Variants in GALNT14 observed in about 807,000 individuals in gnomAD.
The protein encoded by GALNT14 is polypeptide N-acetylgalactosaminyltransferase 14.
Under a neutral mutation model 77.5 loss-of-function variants are expected in GALNT14, and 60 were observed. That is an observed-to-expected ratio of 0.77 (90% CI 0.63 to 0.96). The LOEUF (loss-of-function observed/expected upper bound fraction) is 0.96, where lower values mean the gene tolerates loss of function less well. Ranked by LOEUF, GALNT14 falls within the 40% of genes least tolerant of loss-of-function variation. The probability of loss-of-function intolerance (pLI) is 0.00; values close to 1 mark genes in which losing one functional copy is unlikely to be tolerated. For synonymous variants in GALNT14, 280 were observed against 281.7 expected, an observed-to-expected ratio of 0.99 and a Z score of 0.06; for missense variants, 710 against 731.0, an observed-to-expected ratio of 0.97 and a Z score of 0.33.
At chr2:31,012,099 C>A (rs1308803570) in intron 1 of GALNT14, among the ~76,000 whole-genome samples, 1 of 152,222 alleles carries the variant, frequency 6.6e-6, no homozygotes, top group African/African-American at 2.4e-5. Context: ...CTTTGCAGAG[C>A]CGACCAACAG....
In GALNT14 at chr2:31,038,086, T is replaced by TATATATATATATATATATA. The variant is rs1558514656; in HGVS notation, c.130-45080_130-45079insTATATATATATATATATAT. Among the ~76,000 whole-genome samples the TATATATATATATATATATA allele has an allele frequency of 2.5e-4, 9 of 35,880 alleles. 1 individual carries two copies. Among genetic ancestry groups the TATATATATATATATATATA allele is most frequent in the Non-Finnish European group, 3.7e-4 (8 of 21,670 alleles). 23.5% of individuals were successfully genotyped at this position (35,880 alleles called of 152,430 possible). On this transcript the variant is annotated intron_variant, in intron 1 of 14. Coordinates refer to ENST00000349752, the MANE Select transcript of GALNT14 (RefSeq NM_024572.4). Reference sequence around the variant, plus strand: ...TTGCCATATATATATATATATATATTTTTTTTTTTTTTTTTTTTTTTTTTT... The same window carrying TATATATATATATATATATA: ...TTGCCATATATATATATATATATATTATATATATATATATATATATTTTTTTTTTTTTTTTTTTTTTTTT...
chr2:31,046,783 G>C (rs569834789), intron 1 of GALNT14, among the ~76,000 whole-genome samples: 2 of 152,120 alleles, frequency 1.3e-5, no homozygotes, highest in South Asian at 4.2e-4. Flanking sequence ...TCGTTTTCCA[G>C]GTCTCCCCAG....
In GALNT14 at chr2:31,064,097, G is replaced by A. The variant is rs186876722; in HGVS notation, c.130-71090C>T. Reference sequence around the variant, plus strand: ...ATGTTTGGCTCCAAGAGCATGCAGAGTAGACATCACATCTAGACTGGTGGC... The same window carrying A: ...ATGTTTGGCTCCAAGAGCATGCAGAATAGACATCACATCTAGACTGGTGGC... On this transcript the variant is annotated intron_variant, in intron 1 of 14. Coordinates refer to ENST00000349752, the MANE Select transcript of GALNT14 (RefSeq NM_024572.4). Among the ~76,000 whole-genome samples, 204 of 151,848 alleles carry A rather than the reference G, an allele frequency of 1.3e-3. 1 individual carries two copies. Among genetic ancestry groups the A allele is most frequent in the African/African-American group, 4.8e-3 (200 of 41,302 alleles).
At chr2:31,127,946 A>T (rs1678776840) in intron 1 of GALNT14, among the ~76,000 whole-genome samples, 1 of 152,138 alleles carries the variant, frequency 6.6e-6, no homozygotes, top group Admixed American at 6.5e-5. Flanking sequence ...GTCCTTTAAC[A>T]TTGCCATGCT....
At chr2:30,974,367 A>T (rs1041168594) in intron 2 of GALNT14, among the ~76,000 whole-genome samples, 2 of 152,264 alleles carry the variant, frequency 1.3e-5, no homozygotes, top group Admixed American at 6.5e-5. Context: ...TGCATGCTGC[A>T]GCTAGAATGA....
At chr2:30,997,041 TG>T (rs1670080304) in intron 1 of GALNT14, among the ~76,000 whole-genome samples, 13 of 152,252 alleles carry the variant, frequency 8.5e-5, no homozygotes, top group Admixed American at 8.5e-4. Context: ...TATATCATCA[TG>T]CAATCCTCAC....
intron 3 of GALNT14, among the ~76,000 whole-genome samples, chr2:30,961,902 A>G (rs1222665032): frequency 2.0e-5 from 3 of 152,090 alleles, no homozygotes; most frequent in Non-Finnish European, 4.4e-5. Context: ...CATGTTAGCC[A>G]GGCTGGTCTT....
the GALNT14 span, among the ~76,000 whole-genome samples, chr2:30,900,332 G>A: frequency 6.6e-6 from 1 of 152,094 alleles, no homozygotes; most frequent in Non-Finnish European, 1.5e-5. Context: ...ATTAAACTCT[G>A]TCATTATGAA....
intron 7 of GALNT14, 89 bp downstream of exon 7, chr2:30,945,694 A>G: frequency 7.5e-6 from 8 of 1,073,022 alleles, no homozygotes; most frequent in Non-Finnish European, 1.1e-5. Flanking sequence ...CAAGCAACTA[A>G]GAGCTTTTCC....
At chr2:31,137,790 G>A (rs1364864896) in intron 1 of GALNT14, among the ~76,000 whole-genome samples, 168 bp downstream of exon 1, 1 of 152,160 alleles carries the variant, frequency 6.6e-6, no homozygotes, top group Non-Finnish European at 1.5e-5. Context: ...GCCCCCGAGC[G>A]TTTTAAAATC....
chr2:30,933,147 G>A (rs1665840895), intron 9 of GALNT14, among the ~76,000 whole-genome samples: 1 of 150,420 alleles, frequency 6.6e-6, no homozygotes, highest in Admixed American at 6.6e-5. Context: ...CCAGTGCATG[G>A]TGACATTCAA....
chr2:31,057,372 G>A (rs1042072599), intron 1 of GALNT14, among the ~76,000 whole-genome samples: 3 of 79,052 alleles, frequency 3.8e-5, no homozygotes, highest in South Asian at 4.6e-4. Context: ...GTGTGTGTGT[G>A]TGTATATATA....
intron 1 of GALNT14, among the ~76,000 whole-genome samples, chr2:31,019,196 A>G (rs931345257): frequency 6.6e-6 from 1 of 151,920 alleles, no homozygotes; most frequent in East Asian, 1.9e-4. Flanking sequence ...AGAGTAGGCA[A>G]CTCTCAGAGA....
chr2:30,999,139 A>G (rs1483654459), intron 1 of GALNT14, among the ~76,000 whole-genome samples: 4 of 152,230 alleles, frequency 2.6e-5, no homozygotes, highest in African/African-American at 9.6e-5. Flanking sequence ...GTAAATTCTT[A>G]TTTAAAGAGG....
rs779879199 is a variant in GALNT14 at position 30,955,945 on chromosome 2, T to C, written c.499A>G (p.Lys167Glu). The change falls in exon 5 of 15, where the codon AAG (lysine) becomes GAG (glutamate). Residue 167 changes from lysine (K) to glutamate (E), a missense_variant. Lys to Glu is a moderately conservative substitution (Grantham distance 56). Transcript: ENST00000349752. ...DDCKQLIKLPKVKCLRNNERQ... is the reference protein window; with the variant it reads ...DDCKQLIKLPEVKCLRNNERQ... Reference sequence around the variant, plus strand: ...TCATTATTGCGCAAGCATTTCACCTTGGGCAACTTGATGAGCTGTTTACAG... The same window carrying C: ...TCATTATTGCGCAAGCATTTCACCTCGGGCAACTTGATGAGCTGTTTACAG... 6.2e-7 allele frequency: 1 copy of C among 1,614,176 alleles called. No individual in the cohort carries two copies. Among genetic ancestry groups the C allele is most frequent in the South Asian group, 1.1e-5 (1 of 91,084 alleles).
At chr2:30,954,128 G>A (rs1667214249) in intron 6 of GALNT14, among the ~76,000 whole-genome samples, 3 of 152,124 alleles carry the variant, frequency 2.0e-5, no homozygotes, top group Admixed American at 6.5e-5. Flanking sequence ...CAGAGCAAGC[G>A]GGTTTGTGGA....
Position 30,955,667 on chromosome 2 carries a change from C to G in GALNT14, c.605G>C (p.Cys202Ser). ...GTTLTFLDSH[C>S]EVNRDWLQPL... ...CTGGAGCCAGTCCCTGTTCACCTCA[C>G]AGTGGCTGTCGAGGAAAGTCAGAGT... is the stretch of plus-strand genomic sequence containing the variant. Residue 202 changes from cysteine to serine, a missense_variant, in exon 6 of 15, where the codon TGT (cysteine) becomes TCT (serine). Physicochemically the swap from Cys to Ser is moderately radical, Grantham distance 112. Coordinates refer to ENST00000349752, the MANE Select transcript of GALNT14 (RefSeq NM_024572.4). 6.2e-7 allele frequency: 1 copy of G among 1,614,212 alleles called. No individual in the cohort carries two copies. Among genetic ancestry groups the G allele is most frequent in the South Asian group, 1.1e-5 (1 of 91,090 alleles).
intron 11 of GALNT14, 69 bp downstream of exon 11, chr2:30,929,326 A>G (rs1665582200): frequency 1.6e-6 from 2 of 1,251,406 alleles, no homozygotes; most frequent in African/African-American, 1.5e-5. Flanking sequence ...ATCGGCACCC[A>G]TTTGCATCGG....
intron 1 of GALNT14, among the ~76,000 whole-genome samples, chr2:31,056,223 G>A (rs1236794090): frequency 6.6e-6 from 1 of 152,190 alleles, no homozygotes; most frequent in African/African-American, 2.4e-5. Flanking sequence ...GGCAGGTGAT[G>A]ATGAGTGGGT....
Sources: allele counts gnomAD v4.1 joint callset (sites outside exome capture counted in the v4.1 genomes callset), GRCh38; gene constraint gnomAD v4.1.1; transcripts MANE v1.5; gene names NCBI Gene and HGNC (gene_info 2026-07-23, HGNC 2026-07-21).